HPSE2: variants seen among roughly 807,000 people sequenced by gnomAD.
HPSE2 encodes the protein heparanase 2 (inactive).
Under a neutral mutation model 60.5 loss-of-function variants are expected in HPSE2, and 38 were observed. The ratio of observed to expected loss-of-function variants is 0.63; its 90% CI spans 0.48 to 0.82. The LOEUF is 0.82. Ranked by LOEUF, HPSE2 falls within the 40% of genes least tolerant of loss-of-function variation. The pLI is 0.00. For missense variants in HPSE2, 713 were observed against 740.4 expected (o/e 0.96, Z 0.43); for synonymous variants, 295 against 293.2 (o/e 1.01, Z -0.06).
intron 8 of HPSE2, among the ~76,000 whole-genome samples, chr10:98,617,727 T>G (rs1405081802): frequency 6.6e-6 from 1 of 152,188 alleles, no homozygotes; most frequent in Non-Finnish European, 1.5e-5. Flanking sequence ...TAACCAAAGA[T>G]GCTACCCTGC....
chr10:98,597,294 G>A (rs1220803452), intron 9 of HPSE2, among the ~76,000 whole-genome samples: 1 of 152,088 alleles, frequency 6.6e-6, no homozygotes, highest in East Asian at 1.9e-4. Flanking sequence ...TTTGGATAAG[G>A]AATGTTTTCT....
In HPSE2 at chr10:98,617,302, C is replaced by T. The variant is rs189793799; in HGVS notation, c.1206-2284G>A. The stretch of plus-strand genomic sequence containing the variant: ...TCAGAATTGAGAAGATATTAAAAAA[C>T]GCTTGTGTGACCATGTAAATGCCTG... On this transcript the variant is annotated intron_variant, in intron 8 of 11. Transcript: ENST00000370552. Among the ~76,000 whole-genome samples, 16 of 152,212 alleles carry T rather than the reference C, an allele frequency of 1.1e-4. 1 individual carries two copies. Among genetic ancestry groups the T allele is most frequent in the African/African-American group, 2.9e-4 (12 of 41,530 alleles).
intron 3 of HPSE2, among the ~76,000 whole-genome samples, chr10:99,029,749 G>A (rs1388338025): frequency 1.3e-5 from 2 of 152,340 alleles, no homozygotes; most frequent in South Asian, 2.1e-4. Flanking sequence ...GAGTGTGACC[G>A]TTGAAGCACA....
At chr10:99,276,618 T>C in the HPSE2 span, among the ~76,000 whole-genome samples, 2 of 151,896 alleles carry the variant, frequency 1.3e-5, no homozygotes, top group African/African-American at 2.4e-5. Flanking sequence ...ACGCTTGGAG[T>C]CTTGAAATCC....
chr10:98,750,061 G>C (rs898759488), intron 3 of HPSE2, among the ~76,000 whole-genome samples: 1 of 151,578 alleles, frequency 6.6e-6, no homozygotes, highest in Non-Finnish European at 1.5e-5. Context: ...CAGGGTAGGA[G>C]ATAGTATAGA....
chr10:99,314,536 A>T, the HPSE2 span, among the ~76,000 whole-genome samples: 1 of 152,220 alleles, frequency 6.6e-6, no homozygotes, highest in Non-Finnish European at 1.5e-5. Context: ...ATAGACTACA[A>T]TATAGTGTAA....
At chr10:98,509,388 G>C (rs1942310598) in intron 9 of HPSE2, among the ~76,000 whole-genome samples, 1 of 152,170 alleles carries the variant, frequency 6.6e-6, no homozygotes, top group Admixed American at 6.6e-5. Context: ...TTTGATTAAA[G>C]TGAGAAAGTT....
chr10:98,561,802 C>T (rs1282812589), intron 9 of HPSE2, among the ~76,000 whole-genome samples: 5 of 152,186 alleles, frequency 3.3e-5, no homozygotes, highest in South Asian at 2.1e-4. Flanking sequence ...GAGCTGAGAT[C>T]GTGCCACTGC....
At chr10:99,024,658 G>A (rs1037487340) in intron 3 of HPSE2, among the ~76,000 whole-genome samples, 1 of 151,972 alleles carries the variant, frequency 6.6e-6, no homozygotes, top group East Asian at 1.9e-4. Flanking sequence ...GATAAAGAAG[G>A]GACCCTAAAA....
At position 98,468,142 on chromosome 10, in the gene HPSE2, GC is replaced by G. The variant is rs1388544308; in HGVS notation, c.1614-8404del. ...AGGGGCAGGTTAGAGTCCCGAGGAG[GC>G]CCAGTCAGGTTTGAGGACAGAGGGG... is the stretch of plus-strand genomic sequence containing the variant. On this transcript the variant is annotated intron_variant, in intron 11 of 11. Coordinates refer to ENST00000370552, the MANE Select transcript of HPSE2 (RefSeq NM_021828.5). Among the ~76,000 whole-genome samples, 5 of 152,256 alleles carry G rather than the reference GC, an allele frequency of 3.3e-5. No homozygotes were observed. The South Asian group carries it at 6.2e-4, about 19-fold the overall frequency.
intron 4 of HPSE2, among the ~76,000 whole-genome samples, chr10:98,725,504 A>C: frequency 6.6e-6 from 1 of 152,214 alleles, no homozygotes; most frequent in East Asian, 1.9e-4. Flanking sequence ...TGGATTAAAG[A>C]CTTAAATGTT....
In HPSE2 at chr10:98,458,054, C is replaced by G. The variant is rs1034735063; in HGVS notation, c.*1520G>C. 2 of 152,288 alleles carry G rather than the reference C, an allele frequency of 1.3e-5. No homozygotes were observed. The highest frequency in any genetic ancestry group is 2.9e-5 in the Non-Finnish European group (2 of 68,104). The allele number at this position is 152,288 out of a possible 1,614,324, so 9.4% of individuals were successfully genotyped here. ...CTCCAAGCTCAGAATTCTCTCCCTC[C>G]TCTTTGGTCTAATCTCCCTTCCATC... On this transcript the variant is annotated 3_prime_UTR_variant, in exon 12 of 12. Coordinates refer to ENST00000370552, the MANE Select transcript of HPSE2 (RefSeq NM_021828.5).
chr10:99,218,117 T>A (rs1481582706), intron 2 of HPSE2, among the ~76,000 whole-genome samples: 1 of 151,802 alleles, frequency 6.6e-6, no homozygotes, highest in Non-Finnish European at 1.5e-5. Flanking sequence ...CGGAAATGAA[T>A]GCAACAACAG....
At chr10:98,948,334 A>G (rs1199692077) in intron 3 of HPSE2, among the ~76,000 whole-genome samples, 1 of 152,166 alleles carries the variant, frequency 6.6e-6, no homozygotes, top group Non-Finnish European at 1.5e-5. Flanking sequence ...CAAGGTATGG[A>G]TCTTAGAGAA....
chr10:98,494,913 T>G (rs1324983893), intron 9 of HPSE2, among the ~76,000 whole-genome samples: 1 of 152,230 alleles, frequency 6.6e-6, no homozygotes, highest in Admixed American at 6.5e-5. Context: ...TAATAGGAGT[T>G]AAAACCTATT....
chr10:99,261,057 G>T, the HPSE2 span, among the ~76,000 whole-genome samples: 1 of 152,062 alleles, frequency 6.6e-6, no homozygotes, highest in Admixed American at 6.5e-5. Flanking sequence ...GTCAAAAAAT[G>T]GTCAAATGGG....
At chr10:98,760,961 T>C (rs554245745) in intron 3 of HPSE2, among the ~76,000 whole-genome samples, 8 of 152,218 alleles carry the variant, frequency 5.3e-5, no homozygotes, top group Non-Finnish European at 1.2e-4. Flanking sequence ...CTTTACTTTG[T>C]TAGAAGGTTT....
At chr10:99,175,583 T>C (rs765058690) in intron 2 of HPSE2, among the ~76,000 whole-genome samples, 3 of 152,168 alleles carry the variant, frequency 2.0e-5, no homozygotes, top group Non-Finnish European at 4.4e-5. Context: ...TCCTCTTCTC[T>C]GGGTAGGGAA....
intron 3 of HPSE2, among the ~76,000 whole-genome samples, chr10:99,014,503 T>C (rs182626246): frequency 9.0e-4 from 137 of 152,352 alleles, no homozygotes; most frequent in African/African-American, 3.2e-3. Flanking sequence ...AAGGTATTTC[T>C]GTCTTTAGGT....
Sources: gnomAD v4.1 joint callset for allele counts (sites outside exome capture counted in the v4.1 genomes callset) on GRCh38, gnomAD v4.1.1 for gene constraint, MANE v1.5 for transcripts, NCBI Gene and HGNC (gene_info 2026-07-23, HGNC 2026-07-21) for gene names.